LRP1B: variants seen among roughly 807,000 people sequenced by gnomAD.
LRP1B encodes low-density lipoprotein receptor-related protein 1B.
Under a neutral mutation model 556.6 loss-of-function variants are expected in LRP1B, and 217 were observed. That is an observed-to-expected ratio of 0.39 (90% CI 0.35 to 0.44). LRP1B has a LOEUF of 0.44. LRP1B is among the 20% of genes least tolerant of loss of function. LRP1B has a pLI of 1.00. For missense variants in LRP1B, 5,053 were observed against 5,620.8 expected, an observed-to-expected ratio of 0.90 and a Z score of 3.23; for synonymous variants, 2,047 against 1,865.8, an observed-to-expected ratio of 1.10 and a Z score of -2.50.
chr2:141,108,054 G>T (rs1700651977), intron 7 of LRP1B, among the ~76,000 whole-genome samples: 1 of 151,910 alleles, frequency 6.6e-6, no homozygotes, highest in South Asian at 2.1e-4. Context: ...AATACTAGGG[G>T]GCACTGGATT....
At chr2:140,483,855 G>T (rs953841871) in intron 59 of LRP1B, among the ~76,000 whole-genome samples, 1 of 151,516 alleles carries the variant, frequency 6.6e-6, no homozygotes, top group Non-Finnish European at 1.5e-5. Context: ...TGGCCAGGCT[G>T]GTCTCGAACT....
chr2:140,833,078 G>C (rs769370996), intron 31 of LRP1B, among the ~76,000 whole-genome samples: 1 of 152,142 alleles, frequency 6.6e-6, no homozygotes, highest in Non-Finnish European at 1.5e-5. Context: ...AGTGTGCCCT[G>C]TGATGAAATA....
chr2:141,208,296 G>GC (rs1351507078), intron 6 of LRP1B: 1 of 152,240 alleles, frequency 6.6e-6, no homozygotes, highest in Non-Finnish European at 1.5e-5. Context: ...GGTTCCAGTA[G>GC]CTTGTGTTGC....
intron 7 of LRP1B, among the ~76,000 whole-genome samples, chr2:141,165,959 C>T (rs1680235395): frequency 6.6e-6 from 1 of 151,942 alleles, no homozygotes; most frequent in Non-Finnish European, 1.5e-5. Flanking sequence ...TTCACAAGCT[C>T]CTTATAATGA....
chr2:140,797,009 A>G (rs1160663196), intron 32 of LRP1B, among the ~76,000 whole-genome samples: 2 of 152,028 alleles, frequency 1.3e-5, no homozygotes, highest in Admixed American at 1.3e-4. Context: ...TAATAATTAT[A>G]TGAATACCTA....
At chr2:141,564,278 A>G (rs1454588095) in intron 2 of LRP1B, among the ~76,000 whole-genome samples, 3 of 152,124 alleles carry the variant, frequency 2.0e-5, no homozygotes. Context: ...GGGACAAAGA[A>G]TGAGGGTTAA....
chr2:140,396,657 T>C (rs965056784), intron 66 of LRP1B, among the ~76,000 whole-genome samples: 6 of 152,186 alleles, frequency 3.9e-5, no homozygotes, highest in Non-Finnish European at 7.3e-5. Context: ...AGTTAAGTAA[T>C]AGTAAACACT....
chr2:140,831,726 G>T (rs1015503694), intron 31 of LRP1B, among the ~76,000 whole-genome samples: 21 of 152,030 alleles, frequency 1.4e-4, no homozygotes, highest in Admixed American at 3.3e-4. Flanking sequence ...TCAACAAAGA[G>T]AAGAACAAAT....
At chr2:140,394,170 A>G (rs1051250697) in intron 66 of LRP1B, among the ~76,000 whole-genome samples, 2 of 136,502 alleles carry the variant, frequency 1.5e-5, no homozygotes, top group Non-Finnish European at 3.1e-5. Context: ...TAGTAAATAT[A>G]TAACATTCTT....
At chr2:140,326,834 C>T (rs116323823) in intron 79 of LRP1B, among the ~76,000 whole-genome samples, 2 of 151,978 alleles carry the variant, frequency 1.3e-5, no homozygotes, top group Non-Finnish European at 2.9e-5. Flanking sequence ...TGATAATGGA[C>T]TGAAATAATA....
chr2:140,949,938 C>CAA (rs67201185), intron 20 of LRP1B, among the ~76,000 whole-genome samples: 28 of 14,242 alleles, frequency 2.0e-3, no homozygotes, highest in Non-Finnish European at 2.3e-3. Flanking sequence ...GACTCCGTCT[C>CAA]AAAAAAAAAA....
rs1199245876 is a variant in LRP1B, at chr2:140,651,351, G to A, written c.6799+48899C>T. 2.8e-4 allele frequency among the ~76,000 whole-genome samples: 29 copies of A among 104,582 alleles called. 1 individual carries two copies. The highest frequency in any genetic ancestry group is 9.8e-4 in the African/African-American group (26 of 26,550). 68.6% of individuals were successfully genotyped at this position (104,582 alleles called of 152,430 possible). On this transcript the variant is annotated intron_variant, in intron 41 of 90. Transcript: ENST00000389484. ...GGAATATCACACTCTGGGGACTGTT[G>A]TGGGGTGGGGGGAGGGGGGAGGGAT... is the stretch of plus-strand genomic sequence containing the variant.
chr2:141,342,593 C>T (rs2683842), intron 3 of LRP1B, among the ~76,000 whole-genome samples: 67,356 of 151,108 alleles, frequency 0.45, 16,725 homozygotes, highest in Non-Finnish European at 0.57. Context: ...TATCGATAGC[C>T]GAACTGAGCA....
intron 18 of LRP1B, among the ~76,000 whole-genome samples, chr2:140,966,380 C>T (rs1470973162): frequency 1.3e-5 from 2 of 152,154 alleles, no homozygotes; most frequent in African/African-American, 2.4e-5. Flanking sequence ...ATATCCTTCA[C>T]CCACTTTTTG....
intron 2 of LRP1B, among the ~76,000 whole-genome samples, chr2:141,489,069 G>A (rs994783393): frequency 8.2e-5 from 12 of 146,052 alleles, no homozygotes; most frequent in African/African-American, 3.0e-4. Flanking sequence ...TTCACCTTCT[G>A]GGCTGAAGCA....
intron 1 of LRP1B, among the ~76,000 whole-genome samples, chr2:142,049,751 A>G (rs1288687930): frequency 6.6e-6 from 1 of 152,122 alleles, no homozygotes; most frequent in African/African-American, 2.4e-5. Flanking sequence ...GGCAACAGCC[A>G]TTTATTGAAA....
intron 2 of LRP1B, among the ~76,000 whole-genome samples, chr2:141,611,932 G>A (rs916535512): frequency 6.6e-6 from 1 of 152,144 alleles, no homozygotes; most frequent in African/African-American, 2.4e-5. Flanking sequence ...TAAGCTTCTG[G>A]ATAATTATCA....
At chr2:141,763,014 C>T (rs79500165) in intron 2 of LRP1B, among the ~76,000 whole-genome samples, 17,130 of 152,156 alleles carry the variant, frequency 0.11, 1,060 homozygotes, top group Middle Eastern at 0.22. Context: ...AGTTGTAAAG[C>T]AAATTATCTG....
chr2:141,479,880 T>G (rs751910649), intron 3 of LRP1B, among the ~76,000 whole-genome samples: 1 of 152,214 alleles, frequency 6.6e-6, no homozygotes, highest in Admixed American at 6.5e-5. Flanking sequence ...AGAATTTAGA[T>G]GTTGATTTTT....
Sources: gnomAD v4.1 joint callset for allele counts (sites outside exome capture counted in the v4.1 genomes callset) on GRCh38, gnomAD v4.1.1 for gene constraint, MANE v1.5 for transcripts, NCBI Gene and HGNC (gene_info 2026-07-23, HGNC 2026-07-21) for gene names.